Variants in CASP2 observed in about 807,000 individuals in gnomAD.
CASP2 encodes the protein caspase 2.
In CASP2, 38 loss-of-function variants were observed where a neutral mutation model predicts 54.4. That is an observed-to-expected ratio of 0.70 (90% CI 0.54 to 0.92). The LOEUF (loss-of-function observed/expected upper bound fraction) is 0.92. Ranked by LOEUF, CASP2 falls within the 40% of genes least tolerant of loss-of-function variation. The probability of loss-of-function intolerance (pLI) is 0.00; values close to 1 mark genes in which losing one functional copy is unlikely to be tolerated. For synonymous variants in CASP2, 215 were observed against 216.3 expected, an observed-to-expected ratio of 0.99 and a Z score of 0.05; for missense variants, 512 against 579.6, an observed-to-expected ratio of 0.88 and a Z score of 1.20.
chr7:143,294,733 T>G lies in CASP2; in HGVS notation c.707T>G (p.Leu236Trp), dbSNP rs915278419. 1 of 1,614,122 alleles carries G rather than the reference T, an allele frequency of 6.2e-7. No individual in the cohort carries two copies. The highest frequency in any genetic ancestry group is 8.5e-7 in the Non-Finnish European group (1 of 1,180,042). The change falls in exon 6 of 11, where the codon TTG (leucine) becomes TGG (tryptophan). Residue 236 changes from leucine (L) to tryptophan (W), a missense_variant. Coordinates refer to ENST00000310447, the MANE Select transcript of CASP2 (RefSeq NM_032982.4). ...HSTLVTLFKL[L>W]GYDVHVLCDQ... ...ACTCTAGTCACCCTCTTCAAGCTTTTGGGCTATGACGTCCATGTTCTATGT... is the reference window on the plus strand; with the variant it reads ...ACTCTAGTCACCCTCTTCAAGCTTTGGGGCTATGACGTCCATGTTCTATGT...
At chr7:143,292,744 CT>C in intron 4 of CASP2, 46 bp downstream of exon 4, 1 of 1,498,718 alleles carries the variant, frequency 6.7e-7, no homozygotes, top group Non-Finnish European at 9.3e-7. Flanking sequence ...GGTGCCACGG[CT>C]TACGCCTATA....
intron 6 of CASP2, 132 bp downstream of exon 6, chr7:143,294,905 C>G (rs1418772888): frequency 1.2e-5 from 10 of 801,454 alleles, no homozygotes; most frequent in Non-Finnish European, 2.1e-5. Flanking sequence ...CATTTTTACT[C>G]ACTCTGTTCT....
chr7:143,291,684 C>G lies in CASP2; in HGVS notation c.219C>G (p.Leu73=). ...TCATCACCTTGGAAATGAGGGAGCT[C>G]ATCCAGGTATCTGGAGGCAAAAGAG... is the stretch of plus-strand genomic sequence containing the variant. The part of the protein sequence containing the change: ...KDIITLEMRE[L]IQAKVGSFSQ... The change falls in exon 2 of 11, where the codon CTC becomes CTG. Residue 73 remains leucine, a synonymous_variant. Coordinates refer to ENST00000310447, the MANE Select transcript of CASP2 (RefSeq NM_032982.4). The G allele has an allele frequency of 1.2e-6, 2 of 1,610,494 alleles. No individual in the cohort carries two copies. Among genetic ancestry groups the G allele is most frequent in the Admixed American group, 3.3e-5 (2 of 59,848 alleles).
intron 2 of CASP2, 22 bp from the exon 3 acceptor site, chr7:143,292,278 A>G (rs371459424): frequency 1.2e-6 from 2 of 1,612,302 alleles, no homozygotes; most frequent in Admixed American, 3.3e-5. Context: ...ATATGATTTC[A>G]TGTTTTATTC....
At chr7:143,293,114 G>GTTTTTTTTTTTTTTTTT (rs11287848) in intron 4 of CASP2, 18 of 565,252 alleles carry the variant, frequency 3.2e-5, no homozygotes, top group South Asian at 8.4e-5. Context: ...CCTTTTTTTT[G>GTTTTTTTTTTTTTTTTT]TTTTTTTTTT....
chr7:143,293,150 T>TAACAC, intron 4 of CASP2: 1 of 642,676 alleles, frequency 1.6e-6, no homozygotes, highest in Non-Finnish European at 2.7e-6. Context: ...TTTTCAGAAA[T>TAACAC]AGGGTCTTGT....
intron 6 of CASP2, among the ~76,000 whole-genome samples, chr7:143,297,003 T>G (rs1444477086): frequency 6.6e-6 from 1 of 152,208 alleles, no homozygotes; most frequent in African/African-American, 2.4e-5. Context: ...AAGTGGAAAT[T>G]TCCTTTTACC....
chr7:143,307,465 T>C lies in CASP2; in HGVS notation c.*2394T>C, dbSNP rs573850022. 2.9e-4 allele frequency: 44 copies of C among 152,344 alleles called. No individual in the cohort carries two copies. Among genetic ancestry groups the C allele is most frequent in the African/African-American group, 9.9e-4 (41 of 41,586 alleles). The allele number at this position is 152,344 out of a possible 1,614,324, so 9.4% of individuals were successfully genotyped here. The stretch of plus-strand genomic sequence containing the variant: ...TTTTTAGCTCCTTGAAGACATATCA[T>C]GTGTGAGATAACTTCCTTCACATCT... On this transcript the variant is annotated 3_prime_UTR_variant, in exon 11 of 11. Coordinates refer to ENST00000310447, the MANE Select transcript of CASP2 (RefSeq NM_032982.4).
At chr7:143,304,420 C>T (rs1326151801) in intron 9 of CASP2, among the ~76,000 whole-genome samples, 1 of 152,244 alleles carries the variant, frequency 6.6e-6, no homozygotes, top group African/African-American at 2.4e-5. Flanking sequence ...ACCATAACTT[C>T]CGTATACACT....
At chr7:143,300,826 C>T (rs1234202161) in intron 8 of CASP2, 14 of 1,142,654 alleles carry the variant, frequency 1.2e-5, no homozygotes, top group Admixed American at 4.6e-5. Flanking sequence ...GCCTTTGACT[C>T]TTCCTTTTCC....
chr7:143,304,180 G>A (rs1802000553), intron 9 of CASP2, among the ~76,000 whole-genome samples: 1 of 152,100 alleles, frequency 6.6e-6, no homozygotes, highest in Non-Finnish European at 1.5e-5. Context: ...CATCATATTG[G>A]CACTTGGAAA....
In CASP2 at chr7:143,305,338, A is replaced by G; in HGVS notation, c.*267A>G. 1.8e-6 allele frequency: 1 copy of G among 551,622 alleles called. No individual in the cohort carries two copies. Among genetic ancestry groups the G allele is most frequent in the Admixed American group, 3.0e-5 (1 of 33,594 alleles). 34.2% of individuals were successfully genotyped at this position (551,622 alleles called of 1,614,324 possible). ...TCAGCTGCAGTTGAAGAGCCTGACA[A>G]GTGAAGTTGTAAACACAGTGTGGTT... On this transcript the variant is annotated 3_prime_UTR_variant, in exon 11 of 11. Coordinates refer to ENST00000310447, the MANE Select transcript of CASP2 (RefSeq NM_032982.4).
In CASP2 at chr7:143,304,519, T is replaced by C. The variant is rs926089724; in HGVS notation, c.1118-155T>C. On this transcript the variant is annotated intron_variant, in intron 9 of 10. Coordinates refer to ENST00000310447, the MANE Select transcript of CASP2 (RefSeq NM_032982.4). ...AAACAGACCTACGGTATCTCCAAAG[T>C]ATGCCAATAATCCAAAAGAGTACCC... is the stretch of plus-strand genomic sequence containing the variant. Among the ~76,000 whole-genome samples, 3 of 152,190 alleles carry C rather than the reference T, an allele frequency of 2.0e-5. No homozygotes were observed. In the South Asian group the frequency reaches 6.2e-4, roughly 31 times the overall value.
At chr7:143,288,647 C>A in intron 1 of CASP2, 118 bp downstream of exon 1, 1 of 972,848 alleles carries the variant, frequency 1.0e-6, no homozygotes, top group Non-Finnish European at 1.5e-6. Context: ...GCCGTGTCCG[C>A]GCTTCCTGCC....
intron 4 of CASP2, chr7:143,293,221 G>A (rs1801639501): frequency 1.7e-6 from 1 of 574,778 alleles, no homozygotes; most frequent in Non-Finnish European, 3.1e-6. Flanking sequence ...TTGAACTCCT[G>A]GGTTGAAGGG....
chr7:143,296,511 G>C (rs1284405706), intron 6 of CASP2, among the ~76,000 whole-genome samples: 3 of 152,248 alleles, frequency 2.0e-5, no homozygotes, highest in Admixed American at 6.5e-5. Context: ...AGCTGGCCTT[G>C]AAGGATAGAA....
chr7:143,300,581 C>T, intron 8 of CASP2: 2 of 1,461,196 alleles, frequency 1.4e-6, no homozygotes, highest in Non-Finnish European at 1.8e-6. Context: ...AGAACTCTTA[C>T]TCTTTTCTGT....
intron 2 of CASP2, 90 bp downstream of exon 2, chr7:143,291,780 C>CA (rs1801571720): frequency 3.5e-5 from 15 of 425,494 alleles, no homozygotes; most frequent in South Asian, 1.3e-4. Flanking sequence ...ATCTTTCTTC[C>CA]TTTTTTTTTT....
chr7:143,303,713 T>C, intron 8 of CASP2, 71 bp from the exon 9 acceptor site: 1 of 1,449,686 alleles, frequency 6.9e-7, no homozygotes, highest in Non-Finnish European at 9.7e-7. Context: ...GAACGTGGGC[T>C]TGCCTGTGAC....
Sources: allele counts gnomAD v4.1 joint callset (sites outside exome capture counted in the v4.1 genomes callset), GRCh38; gene constraint gnomAD v4.1.1; transcripts MANE v1.5; gene names NCBI Gene and HGNC (gene_info 2026-07-23, HGNC 2026-07-21).